Variants in SATB1 observed in about 807,000 individuals in gnomAD.
The protein encoded by SATB1 is SATB homeobox 1, also known as DNA-binding protein SATB1.
Under a neutral mutation model 86.9 loss-of-function variants are expected in SATB1, and 11 were observed. The observed-to-expected ratio is 0.13, with a 90% confidence interval of 0.08 to 0.21. The LOEUF is 0.21. Among genes scored for constraint, SATB1 ranks in the 10% least tolerant of loss-of-function variants. The pLI, the probability that SATB1 is intolerant of heterozygous loss-of-function variation, is 1.00. For missense variants in SATB1, 551 were observed against 937.6 expected, an observed-to-expected ratio of 0.59 and a Z score of 5.39; for synonymous variants, 357 against 357.2, an observed-to-expected ratio of 1.00 and a Z score of 0.01.
intron 9 of SATB1, among the ~76,000 whole-genome samples, chr3:18,377,488 T>C (rs1220108152): frequency 6.6e-6 from 1 of 152,240 alleles, no homozygotes; most frequent in Non-Finnish European, 1.5e-5. Context: ...GTTATGCTGA[T>C]AAAAGACTAT....
chr3:18,408,811 T>C (rs1327531796), intron 5 of SATB1: 1 of 151,910 alleles, frequency 6.6e-6, no homozygotes, highest in African/African-American at 2.4e-5. Context: ...GAAAAAAAGA[T>C]GTCTAAAATA....
chr3:18,412,835 T>C (rs1160240214), intron 5 of SATB1, among the ~76,000 whole-genome samples: 1 of 152,134 alleles, frequency 6.6e-6, no homozygotes, highest in East Asian at 1.9e-4. Context: ...GAAAACAGTT[T>C]ATGTTGAAAA....
chr3:18,406,248 T>C (rs1697524616), intron 5 of SATB1, among the ~76,000 whole-genome samples: 1 of 151,970 alleles, frequency 6.6e-6, no homozygotes, highest in South Asian at 2.1e-4. Flanking sequence ...GTTTATAGCC[T>C]TAAATGGAGT....
intron 5 of SATB1, chr3:18,409,261 T>C (rs981675087): frequency 5.3e-5 from 8 of 152,066 alleles, no homozygotes. Flanking sequence ...TTGATTAATA[T>C]ACCTGAAAGG....
At chr3:18,374,555 C>T (rs1038799396) in intron 9 of SATB1, among the ~76,000 whole-genome samples, 5 of 152,138 alleles carry the variant, frequency 3.3e-5, no homozygotes, top group African/African-American at 4.8e-5. Flanking sequence ...TTGCATTAGC[C>T]TGCTTTCCTA....
intron 8 of SATB1, among the ~76,000 whole-genome samples, chr3:18,385,480 G>C (rs1696292593): frequency 6.6e-6 from 1 of 152,032 alleles, no homozygotes; most frequent in South Asian, 2.1e-4. Context: ...AAAATTAGCT[G>C]GGCGTGGTGG....
At chr3:18,369,635 C>T (rs1353409764) in intron 9 of SATB1, among the ~76,000 whole-genome samples, 2 of 151,594 alleles carry the variant, frequency 1.3e-5, no homozygotes, top group Non-Finnish European at 2.9e-5. Flanking sequence ...ACTGTCTAAT[C>T]GCCTGTTATC....
chr3:18,351,825 T>C (rs751334752), intron 10 of SATB1, 167 bp downstream of exon 10: 76 of 642,382 alleles, frequency 1.2e-4, no homozygotes, highest in Non-Finnish European at 1.8e-4. Flanking sequence ...CTGGAAAAAG[T>C]ATGTTAATAT....
At chr3:18,363,906 T>C (rs1404330879) in intron 9 of SATB1, among the ~76,000 whole-genome samples, 1 of 152,154 alleles carries the variant, frequency 6.6e-6, no homozygotes, top group African/African-American at 2.4e-5. Flanking sequence ...TCTCACAAAG[T>C]CCTACAGCAC....
At chr3:18,398,890 C>T (rs1043013712) in intron 5 of SATB1, among the ~76,000 whole-genome samples, 1 of 152,142 alleles carries the variant, frequency 6.6e-6, no homozygotes, top group African/African-American at 2.4e-5. Flanking sequence ...TTGCCAAAAC[C>T]AGAGCCAGAA....
intron 1 of SATB1, chr3:18,445,289 G>A (rs1239152217): frequency 7.1e-6 from 7 of 982,134 alleles, no homozygotes; most frequent in South Asian, 4.5e-5. Context: ...CCGAGCCCGA[G>A]CCGCCGCCGC....
intron 2 of SATB1, among the ~76,000 whole-genome samples, chr3:18,420,258 A>AT (rs981988511): frequency 1.3e-5 from 2 of 152,180 alleles, no homozygotes; most frequent in African/African-American, 4.8e-5. Context: ...GAATCATCAG[A>AT]TTTTTTACTG....
At position 18,394,755 on chromosome 3, in the gene SATB1, G is replaced by A; in HGVS notation, c.913C>T (p.Pro305Ser). ...SVRTPLPNLH[P>S]GLVSTPISPQ... ...CTGATAGGTGTTGATACGAGCCCAGGGTGCAGGTTTGGAAGAGGTGTCCGG... is the reference window on the plus strand; with the variant it reads ...CTGATAGGTGTTGATACGAGCCCAGAGTGCAGGTTTGGAAGAGGTGTCCGG... Residue 305 changes from proline to serine, a missense_variant, in exon 7 of 11, where the codon CCT becomes TCT. Physicochemically the swap from Pro to Ser is moderately conservative, Grantham distance 74. Transcript: ENST00000338745. The surrounding 1 kb of genome is among the most constrained non-coding windows in gnomAD (Gnocchi z 5.9). 1 of 1,614,116 alleles carries A rather than the reference G, an allele frequency of 6.2e-7. No individual in the cohort carries two copies. The highest frequency in any genetic ancestry group is 8.5e-7 in the Non-Finnish European group (1 of 1,180,024).
At chr3:18,425,662 A>C (rs1698661210), upstream of SATB1, among the ~76,000 whole-genome samples, 1 of 151,160 alleles carries the variant, frequency 6.6e-6, no homozygotes, top group Non-Finnish European at 1.5e-5. Context: ...ACCCAGAATA[A>C]CAGGGCGCTG....
chr3:18,418,105 G>A (rs1215927647), intron 2 of SATB1, among the ~76,000 whole-genome samples: 1 of 152,164 alleles, frequency 6.6e-6, no homozygotes, highest in African/African-American at 2.4e-5. Flanking sequence ...CAAACTGCCA[G>A]AAGGGTATCA....
Position 18,361,565 on chromosome 3 carries a change from G to A in SATB1, c.1576-9370C>T, listed in dbSNP as rs73175995. Reference sequence around the variant, plus strand: ...GTATTACCACATACCCAATCACCTAGGCTGAAAGACTGTTATTTGAAGCAT... The same window carrying A: ...GTATTACCACATACCCAATCACCTAAGCTGAAAGACTGTTATTTGAAGCAT... On this transcript the variant is annotated intron_variant, in intron 9 of 10. Coordinates refer to ENST00000338745, the MANE Select transcript of SATB1 (RefSeq NM_002971.6). Among the ~76,000 whole-genome samples the A allele has an allele frequency of 4.9e-3, 740 of 152,160 alleles. 6 individuals are homozygous for A. The highest frequency in any genetic ancestry group is 0.017 in the African/African-American group (706 of 41,522).
In SATB1 at chr3:18,347,900, C is replaced by T. The variant is rs1322814282; in HGVS notation, c.*1270G>A. 1 of 152,412 alleles carries T rather than the reference C, an allele frequency of 6.6e-6. No individual in the cohort carries two copies. The highest frequency in any genetic ancestry group is 1.5e-5 in the Non-Finnish European group (1 of 68,012). 9.4% of individuals were successfully genotyped at this position (152,412 alleles called of 1,614,324 possible). On this transcript the variant is annotated 3_prime_UTR_variant, in exon 11 of 11. Transcript: ENST00000338745. The stretch of plus-strand genomic sequence containing the variant: ...TAAATGAGAGGGCCATCCTTTGACT[C>T]CTTTAGTTACTTCACATAAGCAGAC...
intron 7 of SATB1, among the ~76,000 whole-genome samples, chr3:18,388,551 A>G (rs1696464995): frequency 6.6e-6 from 1 of 152,116 alleles, no homozygotes; most frequent in Admixed American, 6.5e-5. Context: ...TCTCATGTAA[A>G]TGTTTGATAA....
chr3:18,415,695 TTTC>T (rs1698073321), intron 4 of SATB1, among the ~76,000 whole-genome samples: 1 of 152,160 alleles, frequency 6.6e-6, no homozygotes, highest in Non-Finnish European at 1.5e-5. Flanking sequence ...AAAATATTTT[TTTC>T]TTAAGTAAAC....
Sources: gnomAD v4.1 joint callset for allele counts (sites outside exome capture counted in the v4.1 genomes callset) on GRCh38, gnomAD v4.1.1 for gene constraint, Gnocchi (gnomAD v3.1) non-coding constraint, MANE v1.5 for transcripts, NCBI Gene and HGNC (gene_info 2026-07-23, HGNC 2026-07-21) for gene names.